The following ANKHD1 variants were observed in gnomAD, a reference collection of about 807,000 sequenced individuals.
ANKHD1 encodes ankyrin repeat and KH domain-containing protein 1.
In ANKHD1, 31 loss-of-function variants were observed where a neutral mutation model predicts 230.5. The observed-to-expected ratio is 0.13, with a 90% CI of 0.10 to 0.18. The LOEUF is 0.18. ANKHD1 is among the 10% of genes least tolerant of loss of function. The pLI is 1.00. For synonymous variants in ANKHD1, 1,074 were observed against 1,117.6 expected (o/e 0.96, Z 0.78); for missense variants, 2,256 against 3,071.3 (o/e 0.73, Z 6.27).
chr5:140,433,542 C>G (rs1217345731), intron 1 of ANKHD1, among the ~76,000 whole-genome samples: 1 of 152,168 alleles, frequency 6.6e-6, no homozygotes, highest in Non-Finnish European at 1.5e-5. Flanking sequence ...AGTGATTTCT[C>G]CCTCATTAGT....
chr5:140,424,820 A>G (rs941653504), intron 1 of ANKHD1, among the ~76,000 whole-genome samples: 2 of 152,238 alleles, frequency 1.3e-5, no homozygotes, highest in Non-Finnish European at 2.9e-5. Flanking sequence ...TGTTGTTTAG[A>G]AGATTCACTT....
chr5:140,528,413 T>C lies in ANKHD1; in HGVS notation c.5467T>C (p.Ser1823Pro), dbSNP rs1753690685. 2.5e-6 allele frequency: 4 copies of C among 1,614,116 alleles called. No homozygotes were observed. Among genetic ancestry groups the C allele is most frequent in the Non-Finnish European group, 3.4e-6 (4 of 1,180,052 alleles). The change falls in exon 29 of 34, where the codon TCT (serine) becomes CCT (proline). Residue 1823 changes from serine (S) to proline (P), a missense_variant. Physicochemically the swap from Ser to Pro is moderately conservative, Grantham distance 74 (BLOSUM62 -1). Coordinates refer to ENST00000360839, the MANE Select transcript of ANKHD1 (RefSeq NM_017747.3). ...TLVTSQATTL[S>P]TFQPANKLNK... ...TGTAACTTCACAGGCAACAACGTTA[T>C]CTACGTTCCAGCCCGCTAATAAACT...
At chr5:140,455,664 AC>A (rs1251059399) in intron 7 of ANKHD1, among the ~76,000 whole-genome samples, 3 of 152,020 alleles carry the variant, frequency 2.0e-5, no homozygotes, top group East Asian at 1.9e-4. Context: ...AAATTCAACA[AC>A]CCTTCATGCT....
Position 140,510,494 on chromosome 5 carries a change from G to A in ANKHD1, c.4104+313G>A, listed in dbSNP as rs150383482. ...CACCCGGCTAATTTTTGTATTTTTA[G>A]TAGAGATGGGGTGTCACCACGTTGG... On this transcript the variant is annotated intron_variant, in intron 22 of 33. Coordinates refer to ENST00000360839, the MANE Select transcript of ANKHD1 (RefSeq NM_017747.3). 1.2e-3 allele frequency among the ~76,000 whole-genome samples: 179 copies of A among 151,372 alleles called. 3 individuals are homozygous for A. The East Asian group carries it at 0.033, about 28-fold the overall frequency.
intron 1 of ANKHD1, among the ~76,000 whole-genome samples, chr5:140,426,566 G>T (rs1341765199): frequency 6.6e-6 from 1 of 151,652 alleles, no homozygotes; most frequent in Non-Finnish European, 1.5e-5. Flanking sequence ...TCTCGCAGAG[G>T]GGGATTTGGC....
In ANKHD1 at chr5:140,504,938, T is replaced by C; in HGVS notation, c.3122T>C (p.Val1041Ala). 1.2e-6 allele frequency: 2 copies of C among 1,614,218 alleles called. No individual in the cohort carries two copies. Among genetic ancestry groups the C allele is most frequent in the Non-Finnish European group, 8.5e-7 (1 of 1,180,026 alleles). The change falls in exon 16 of 34, where the codon GTG becomes GCG. Residue 1041 changes from valine to alanine, a missense_variant. Val to Ala is a moderately conservative substitution (Grantham distance 64). Coordinates refer to ENST00000360839, the MANE Select transcript of ANKHD1 (RefSeq NM_017747.3). ...SNVASQSMPP[V>A]YPSVDIDAHT... ...GTGGCTTCCCAATCGATGCCTCCTG[T>C]GTATCCTTCAGTTGACATTGATGCA...
Position 140,496,812 on chromosome 5 carries a change from G to T in ANKHD1, c.2538G>T (p.Gln846His), listed in dbSNP as rs368102081. Residue 846 changes from glutamine (Q) to histidine (H), a missense_variant, in exon 15 of 34, where the codon CAG becomes CAT. Around this residue, in one of 13 missense-constraint regions of ANKHD1, gnomAD observed 358 missense variants for 397.7 expected, o/e 0.90. Coordinates refer to ENST00000360839, the MANE Select transcript of ANKHD1 (RefSeq NM_017747.3). ...KELQKVERQL[Q>H]MKTQQQFTKE... ...TGCAGAAAGTGGAAAGGCAGTTGCA[G>T]ATGAAAACACAGCAGCAATTTACCA... 6 of 1,613,986 alleles carry T rather than the reference G, an allele frequency of 3.7e-6. No homozygotes were observed. The highest frequency in any genetic ancestry group is 8.5e-7 in the Non-Finnish European group (1 of 1,180,032).
intron 9 of ANKHD1, among the ~76,000 whole-genome samples, chr5:140,463,051 G>A (rs1035846676): frequency 2.6e-5 from 4 of 151,762 alleles, no homozygotes; most frequent in African/African-American, 9.7e-5. Flanking sequence ...GGTCTTGCTT[G>A]TTGCTTAGGC....
intron 14 of ANKHD1, 134 bp from the exon 15 acceptor site, chr5:140,496,386 T>G: frequency 8.0e-6 from 7 of 874,800 alleles, no homozygotes; most frequent in Non-Finnish European, 1.1e-5. Context: ...TTCTATAACA[T>G]TAGTTATAAG....
At chr5:140,440,449 T>C (rs1188948669) in intron 4 of ANKHD1, among the ~76,000 whole-genome samples, 183 bp downstream of exon 4, 1 of 152,220 alleles carries the variant, frequency 6.6e-6, no homozygotes, top group Non-Finnish European at 1.5e-5. Flanking sequence ...TGCCGGTACA[T>C]GTAACTGAGA....
rs115154379 is a variant in ANKHD1, at chr5:140,441,994, C to A, written c.913+852C>A. The stretch of plus-strand genomic sequence containing the variant: ...TGAGTGTTTACCCTATAGGGTTTTA[C>A]ATGTTGAGTTTGCTGAATACATTTA... On this transcript the variant is annotated intron_variant, in intron 5 of 33. Transcript: ENST00000360839. Among the ~76,000 whole-genome samples the A allele has an allele frequency of 8.6e-3, 1,253 of 146,202 alleles. 13 individuals are homozygous for A. The highest frequency in any genetic ancestry group is 0.03 in the African/African-American group (1,189 of 39,890).
At chr5:140,516,399 A>G (rs1316279380) in intron 24 of ANKHD1, among the ~76,000 whole-genome samples, 1 of 152,202 alleles carries the variant, frequency 6.6e-6, no homozygotes, top group African/African-American at 2.4e-5. Context: ...AACTTCCCCA[A>G]TCTAGCAAGG....
chr5:140,524,169 A>T lies in ANKHD1; in HGVS notation c.4421A>T (p.Asp1474Val). 1.2e-6 allele frequency: 2 copies of T among 1,601,074 alleles called. No homozygotes were observed. Among genetic ancestry groups the T allele is most frequent in the Non-Finnish European group, 1.7e-6 (2 of 1,176,648 alleles). Reference protein sequence around the residue: ...KEEQKRKQEEDEENKPKENSE... With the variant: ...KEEQKRKQEEVEENKPKENSE... ...GAACAGAAAAGGAAACAGGAAGAAG[A>T]TGAAGAAAACAAACCTAAGGAGAAT... is the stretch of plus-strand genomic sequence containing the variant. The change falls in exon 25 of 34, where the codon GAT becomes GTT. Residue 1474 changes from aspartate to valine, a missense_variant. Around this residue, in one of 13 missense-constraint regions of ANKHD1, gnomAD observed 195 missense variants for 340.3 expected, o/e 0.57. Transcript: ENST00000360839.
chr5:140,464,602 A>G (rs2126980257), intron 9 of ANKHD1, 65 bp from the exon 10 acceptor site: 2 of 1,351,376 alleles, frequency 1.5e-6, no homozygotes, highest in Non-Finnish European at 1.9e-6. Context: ...ACCAGATTGC[A>G]AAATTGGACT....
chr5:140,522,027 A>C (rs1018788190), intron 24 of ANKHD1, among the ~76,000 whole-genome samples: 2 of 152,210 alleles, frequency 1.3e-5, no homozygotes, highest in Admixed American at 6.5e-5. Flanking sequence ...TAGTATATTC[A>C]CAGAATTGTA....
chr5:140,478,334 A>G (rs982768493), intron 10 of ANKHD1, among the ~76,000 whole-genome samples: 15 of 151,648 alleles, frequency 9.9e-5, no homozygotes, highest in Non-Finnish European at 2.1e-4. Context: ...AACAGATAAA[A>G]CAAGCAAGCA....
At chr5:140,436,405 T>A in intron 2 of ANKHD1, 148 bp downstream of exon 2, 1 of 1,142,040 alleles carries the variant, frequency 8.8e-7, no homozygotes, top group East Asian at 3.2e-5. Context: ...AAAGAAAATG[T>A]TCACATTTTG....
At chr5:140,517,124 G>T (rs1339592361) in intron 24 of ANKHD1, among the ~76,000 whole-genome samples, 3 of 146,270 alleles carry the variant, frequency 2.1e-5, no homozygotes, top group Non-Finnish European at 4.5e-5. Flanking sequence ...AACAAAAAAA[G>T]GCAGGGGTTG....
Position 140,402,206 on chromosome 5 carries a change from C to T in ANKHD1, c.239C>T (p.Ala80Val). 1.3e-6 allele frequency: 2 copies of T among 1,523,090 alleles called. No individual in the cohort carries two copies. The highest frequency in any genetic ancestry group is 2.1e-5 in the Admixed American group (1 of 47,898). The allele number at this position is 1,523,090 out of a possible 1,614,324, so 94.3% of individuals were successfully genotyped here. A position where few individuals can be genotyped will look rare whatever the true frequency, so the allele number is the denominator to read the frequency against. Reference sequence around the variant, plus strand: ...GACGCGGCGCTGGATTTCAAGTTGGCGGCTGCCGTGCTGAGGACCGGGGGT... The same window carrying T: ...GACGCGGCGCTGGATTTCAAGTTGGTGGCTGCCGTGCTGAGGACCGGGGGT... Reference protein sequence around the residue: ...GGDAALDFKLAAAVLRTGGGG... With the variant: ...GGDAALDFKLVAAVLRTGGGG... The change falls in exon 1 of 34, where the codon GCG (alanine) becomes GTG (valine). Residue 80 changes from alanine (A) to valine (V), a missense_variant. By Grantham distance (64) the Ala-to-Val change is moderately conservative. Around this residue, in one of 13 missense-constraint regions of ANKHD1, gnomAD observed 193 missense variants for 185.8 expected, o/e 1.04. Coordinates refer to ENST00000360839, the MANE Select transcript of ANKHD1 (RefSeq NM_017747.3).
Sources: gnomAD v4.1 joint callset for allele counts (sites outside exome capture counted in the v4.1 genomes callset) on GRCh38, gnomAD v4.1.1 for gene constraint, gnomAD v4.1.1 regional missense constraint, MANE v1.5 for transcripts, NCBI Gene and HGNC (gene_info 2026-07-23, HGNC 2026-07-21) for gene names.